KRABD3: variants seen among roughly 807,000 people sequenced by gnomAD.
KRABD3 encodes the protein KRAB domain containing 3.
At chr7:149,721,505 G>A in the KRABD3 span, 1 of 1,612,368 alleles carries the variant, frequency 6.2e-7, no homozygotes, top group Non-Finnish European at 8.5e-7. Flanking sequence ...CCCAACTGGT[G>A]ACGGGGTCCA....
chr7:149,722,553 G>T, the KRABD3 span: 2 of 1,396,020 alleles, frequency 1.4e-6, no homozygotes, highest in Non-Finnish European at 1.9e-6. Context: ...CTCAGAGGCC[G>T]GTGAGAGGCG....
At chr7:149,721,027 C>G in the KRABD3 span, 2 of 1,607,400 alleles carry the variant, frequency 1.2e-6, no homozygotes, top group African/African-American at 2.7e-5. Flanking sequence ...GCAGCCTCCT[C>G]TGCACTCCGC....
chr7:149,730,667 C>G, the KRABD3 span: 3 of 1,407,510 alleles, frequency 2.1e-6, no homozygotes, highest in South Asian at 1.3e-5. Flanking sequence ...TTGCCTGGCT[C>G]TTGCCAGGGA....
At chr7:149,724,702 G>C in the KRABD3 span, 112 of 1,549,742 alleles carry the variant, frequency 7.2e-5, 2 homozygotes, top group East Asian at 3.7e-4. Flanking sequence ...TGGAGCTGGC[G>C]GTCTGCTCTC....
chr7:149,729,230 G>A, the KRABD3 span: 1 of 1,597,898 alleles, frequency 6.3e-7, no homozygotes, highest in Non-Finnish European at 8.5e-7. Flanking sequence ...CTCGGGCAGG[G>A]TAGGGGAGAA....
chr7:149,724,187 C>T, the KRABD3 span, among the ~76,000 whole-genome samples: 3 of 152,172 alleles, frequency 2.0e-5, no homozygotes, highest in Admixed American at 6.5e-5. Flanking sequence ...CCAGCACACA[C>T]GCAGCTCCTC....
the KRABD3 span, chr7:149,733,659 G>C: frequency 6.3e-7 from 1 of 1,588,572 alleles, no homozygotes; most frequent in Non-Finnish European, 8.6e-7. Context: ...GACCTGCAAG[G>C]ACTCTCCAGA....
At chr7:149,731,147 C>T in the KRABD3 span, among the ~76,000 whole-genome samples, 1 of 151,940 alleles carries the variant, frequency 6.6e-6, no homozygotes, top group African/African-American at 2.4e-5. Flanking sequence ...AGGACGAGGA[C>T]GAGGAGGGAG....
At chr7:149,731,314 A>C in the KRABD3 span, among the ~76,000 whole-genome samples, 1 of 152,208 alleles carries the variant, frequency 6.6e-6, no homozygotes, top group African/African-American at 2.4e-5. Flanking sequence ...TTCACTCCGC[A>C]GTGGGCCTAG....
chr7:149,730,530 G>T, the KRABD3 span: 1 of 1,612,040 alleles, frequency 6.2e-7, no homozygotes, highest in South Asian at 1.1e-5. Context: ...GAAGACCCCA[G>T]GAGAACAGAG....
chr7:149,720,795 G>C, the KRABD3 span: 1 of 1,544,114 alleles, frequency 6.5e-7, no homozygotes, highest in Non-Finnish European at 8.7e-7. Flanking sequence ...GTGCTGAGCA[G>C]CCGCAGGGGT....
chr7:149,719,114 C>T, the KRABD3 span, among the ~76,000 whole-genome samples: 1 of 152,222 alleles, frequency 6.6e-6, no homozygotes. The surrounding 1 kb of genome is among the most constrained non-coding windows in gnomAD (Gnocchi z 5.6). Flanking sequence ...ATCCTTCTTG[C>T]CTCTTGTGGC....
chr7:149,725,821 C>T, the KRABD3 span: 1 of 1,408,400 alleles, frequency 7.1e-7, no homozygotes, highest in Middle Eastern at 1.9e-4. Flanking sequence ...GCCCGTGCAC[C>T]CCATGGCCCA....
At chr7:149,725,372 C>G in the KRABD3 span, 1 of 1,607,590 alleles carries the variant, frequency 6.2e-7, no homozygotes. Flanking sequence ...AAGGGCATTC[C>G]CCCAAATGGG....
the KRABD3 span, chr7:149,731,923 TG>T: frequency 1.6e-6 from 1 of 609,458 alleles, no homozygotes; most frequent in African/African-American, 1.9e-5. Context: ...TTCCTTTCAG[TG>T]TTTTATCACA....
chr7:149,726,339 G>A, the KRABD3 span, among the ~76,000 whole-genome samples: 1 of 152,160 alleles, frequency 6.6e-6, no homozygotes, highest in Admixed American at 6.5e-5. Flanking sequence ...GCTCACGCCT[G>A]TACTCCCAGC....
chr7:149,729,255 C>T, the KRABD3 span: 12 of 1,603,998 alleles, frequency 7.5e-6, no homozygotes, highest in Non-Finnish European at 1.0e-5. Flanking sequence ...CCACCCGGAG[C>T]CTCCATCTGG....
At chr7:149,728,357 C>T in the KRABD3 span, among the ~76,000 whole-genome samples, 28 of 152,350 alleles carry the variant, frequency 1.8e-4, no homozygotes, top group Admixed American at 4.6e-4. Flanking sequence ...TCTTCCACGG[C>T]AGCCAAAGCA....
the KRABD3 span, chr7:149,722,036 G>A: frequency 2.6e-6 from 1 of 385,074 alleles, no homozygotes; most frequent in South Asian, 2.2e-5. Context: ...CACTCCCAAA[G>A]AGCATACCCC....
Sources: allele counts gnomAD v4.1 joint callset (sites outside exome capture counted in the v4.1 genomes callset), GRCh38; gene constraint gnomAD v4.1.1; non-coding constraint Gnocchi (gnomAD v3.1); transcripts MANE v1.5; gene names NCBI Gene and HGNC (gene_info 2026-07-23, HGNC 2026-07-21).